EIF2AK2: variants seen among roughly 807,000 people sequenced by gnomAD.
EIF2AK2 encodes interferon-induced, double-stranded RNA-activated protein kinase.
Under a neutral mutation model 70.5 loss-of-function variants are expected in EIF2AK2, and 40 were observed. The ratio of observed to expected loss-of-function variants is 0.57; its 90% CI spans 0.44 to 0.74. The LOEUF (loss-of-function observed/expected upper bound fraction) is 0.74. Among genes scored for constraint, EIF2AK2 ranks in the 30% least tolerant of loss-of-function variants. EIF2AK2 has a pLI of 0.00. For synonymous variants in EIF2AK2, 198 were observed against 220.9 expected (o/e 0.90, Z 0.92); for missense variants, 555 against 644.3 (o/e 0.86, Z 1.50).
chr2:37,121,413 C>T (rs1674546104), intron 12 of EIF2AK2, among the ~76,000 whole-genome samples: 1 of 151,296 alleles, frequency 6.6e-6, no homozygotes, highest in Admixed American at 6.6e-5. Context: ...TATAAAGTAA[C>T]TTTGAAACCT....
chr2:37,101,656 C>T lies in EIF2AK2; in HGVS notation c.*5617G>A, dbSNP rs1286929257. 2 of 152,152 alleles carry T rather than the reference C, an allele frequency of 1.3e-5. No homozygotes were observed. The highest frequency in any genetic ancestry group is 2.9e-5 in the Non-Finnish European group (2 of 68,028). 9.4% of individuals were successfully genotyped at this position (152,152 alleles called of 1,614,324 possible). A position where few individuals can be genotyped will look rare whatever the true frequency, so the allele number is the denominator to read the frequency against. On this transcript the variant is annotated 3_prime_UTR_variant, in exon 17 of 17. Transcript: ENST00000233057. ...CTCTGGGGATACTCTCAGTCAAATC[C>T]TGAGTGGAGGAAATTCCACAGGACA...
intron 9 of EIF2AK2, among the ~76,000 whole-genome samples, chr2:37,136,161 A>G (rs1294641761): frequency 1.3e-5 from 2 of 152,206 alleles, no homozygotes; most frequent in Non-Finnish European, 2.9e-5. Context: ...GGAAGTTTAA[A>G]TACCACCTAA....
rs186270924 is a variant in EIF2AK2 at position 37,131,860 on chromosome 2, C to A, written c.785+3624G>T. On this transcript the variant is annotated intron_variant, in intron 10 of 16. Coordinates refer to ENST00000233057, the MANE Select transcript of EIF2AK2 (RefSeq NM_001135651.3). ...TCCTCCCAACAAGCAGAATTAGTTG[C>A]CCTAATGAAAGCATTAACCCTAGCA... 2.4e-3 allele frequency among the ~76,000 whole-genome samples: 361 copies of A among 152,210 alleles called. 4 individuals carry two copies. Among genetic ancestry groups the A allele is most frequent in the Middle Eastern group, 0.02 (6 of 294 alleles).
intron 11 of EIF2AK2, among the ~76,000 whole-genome samples, chr2:37,124,188 G>A (rs895741480): frequency 4.6e-5 from 7 of 151,908 alleles, no homozygotes; most frequent in Admixed American, 2.0e-4. Flanking sequence ...GGTTGGTCTC[G>A]CACTCCTGAC....
At chr2:37,112,011 T>G (rs1674179698) in intron 14 of EIF2AK2, among the ~76,000 whole-genome samples, 1 of 149,130 alleles carries the variant, frequency 6.7e-6, no homozygotes, top group African/African-American at 2.5e-5. Flanking sequence ...TTGCCCCCAA[T>G]GCTGCACTGG....
chr2:37,113,497 T>TAAAAAAAAAAAAAAAAAAAAAAAAAAAA (rs1674228590), intron 14 of EIF2AK2, among the ~76,000 whole-genome samples: 1 of 28,298 alleles, frequency 3.5e-5, no homozygotes. Flanking sequence ...AAACTCCATC[T>TAAAAAAAAAAAAAAAAAAAAAAAAAAAA]CAAAAAAAAA....
At chr2:37,122,278 A>C (rs1027507496) in intron 12 of EIF2AK2, among the ~76,000 whole-genome samples, 9 of 152,242 alleles carry the variant, frequency 5.9e-5, no homozygotes, top group African/African-American at 2.2e-4. Flanking sequence ...TTTTGCAGAC[A>C]GCTGAGGATG....
At chr2:37,139,409 C>T (rs1377655382) in intron 6 of EIF2AK2, among the ~76,000 whole-genome samples, 1 of 152,016 alleles carries the variant, frequency 6.6e-6, no homozygotes, top group Non-Finnish European at 1.5e-5. Context: ...CCACACCCAG[C>T]CCAGCCTGGA....
In EIF2AK2 at chr2:37,101,458, T is replaced by A. The variant is rs79599001; in HGVS notation, c.*5815A>T. ...AGATTGATGAGAAACTTTGTAGTAG[T>A]TGGTACCACCAGAACTCATTGATCA... is the stretch of plus-strand genomic sequence containing the variant. On this transcript the variant is annotated 3_prime_UTR_variant, in exon 17 of 17. Transcript: ENST00000233057. 1 of 152,212 alleles carries A rather than the reference T, an allele frequency of 6.6e-6. No homozygotes were observed. Among genetic ancestry groups the A allele is most frequent in the Admixed American group, 6.5e-5 (1 of 15,286 alleles). 9.4% of individuals were successfully genotyped at this position (152,212 alleles called of 1,614,324 possible).
At chr2:37,149,753 T>C (rs1413995682) in intron 1 of EIF2AK2, among the ~76,000 whole-genome samples, 1 of 152,208 alleles carries the variant, frequency 6.6e-6, no homozygotes, top group Non-Finnish European at 1.5e-5. Flanking sequence ...AATCACGATG[T>C]AAATAACAGA....
intron 13 of EIF2AK2, among the ~76,000 whole-genome samples, chr2:37,119,004 G>A (rs904804520): frequency 9.2e-5 from 14 of 152,174 alleles, no homozygotes; most frequent in Admixed American, 2.6e-4. Context: ...AAAGGGGGCA[G>A]GCAGAAGAGT....
intron 1 of EIF2AK2, among the ~76,000 whole-genome samples, chr2:37,155,939 C>CA (rs756767460): frequency 0.018 from 2,035 of 110,710 alleles, 34 homozygotes; most frequent in African/African-American, 0.048. Flanking sequence ...GAATCTGTCT[C>CA]AAAAAAAAAA....
intron 4 of EIF2AK2, among the ~76,000 whole-genome samples, chr2:37,142,307 A>G (rs1424596687): frequency 6.6e-6 from 1 of 151,782 alleles, no homozygotes; most frequent in African/African-American, 2.4e-5. Flanking sequence ...ATTTTTTTGT[A>G]TTTTTTGTAG....
intron 14 of EIF2AK2, among the ~76,000 whole-genome samples, chr2:37,110,094 G>A (rs2148664368): frequency 6.7e-6 from 1 of 148,870 alleles, no homozygotes; most frequent in East Asian, 2.0e-4. Context: ...TTTTTTTTGA[G>A]ACGGAGTCCC....
Position 37,122,581 on chromosome 2 carries a change from T to C in EIF2AK2, c.992A>G (p.Asp331Gly). ...ATCATCACTGGTCTCAGGATCATAA[T>C]CAAATCCATCCCAACAGCCATTGTA... ...VHYNGCWDGFDYDPETSDDSL... is the reference protein window; with the variant it reads ...VHYNGCWDGFGYDPETSDDSL... The change falls in exon 12 of 17, where the codon GAT becomes GGT. Residue 331 changes from aspartate (D) to glycine (G), a missense_variant. Coordinates refer to ENST00000233057, the MANE Select transcript of EIF2AK2 (RefSeq NM_001135651.3). 2 of 1,614,176 alleles carry C rather than the reference T, an allele frequency of 1.2e-6. No individual in the cohort carries two copies. Among genetic ancestry groups the C allele is most frequent in the Non-Finnish European group, 1.7e-6 (2 of 1,180,032 alleles).
In EIF2AK2 at chr2:37,104,328, T is replaced by C. The variant is rs952723316; in HGVS notation, c.*2945A>G. On this transcript the variant is annotated 3_prime_UTR_variant, in exon 17 of 17. Transcript: ENST00000233057. Reference sequence around the variant, plus strand: ...CTGGGTTGTTGCTTTCTTTTATTATTATTATTATTTAGATATGATCTCACT... The same window carrying C: ...CTGGGTTGTTGCTTTCTTTTATTATCATTATTATTTAGATATGATCTCACT... 4 of 151,946 alleles carry C rather than the reference T, an allele frequency of 2.6e-5. No homozygotes were observed. Among genetic ancestry groups the C allele is most frequent in the Middle Eastern group, 3.2e-3 (1 of 316 alleles). 9.4% of individuals were successfully genotyped at this position (151,946 alleles called of 1,614,324 possible).
At chr2:37,139,333 A>AG (rs1472246974) in intron 6 of EIF2AK2, among the ~76,000 whole-genome samples, 1 of 147,098 alleles carries the variant, frequency 6.8e-6, no homozygotes, top group Non-Finnish European at 1.5e-5. Context: ...AAAAAAAAAA[A>AG]CTCCTGAACT....
intron 8 of EIF2AK2, among the ~76,000 whole-genome samples, chr2:37,137,712 A>C (rs1046425787): frequency 6.6e-6 from 1 of 152,206 alleles, no homozygotes; most frequent in African/African-American, 2.4e-5. Context: ...CATTGGTAGG[A>C]GAGAAAAGCA....
intron 1 of EIF2AK2, among the ~76,000 whole-genome samples, chr2:37,155,777 C>A (rs1457374952): frequency 6.6e-6 from 1 of 151,914 alleles, no homozygotes; most frequent in Non-Finnish European, 1.5e-5. Context: ...CCTGTCTCTA[C>A]TAAAAATAAA....
Sources: allele counts gnomAD v4.1 joint callset (sites outside exome capture counted in the v4.1 genomes callset), GRCh38; gene constraint gnomAD v4.1.1; transcripts MANE v1.5; gene names NCBI Gene and HGNC (gene_info 2026-07-23, HGNC 2026-07-21).